DTNA: variants seen among roughly 807,000 people sequenced by gnomAD.
DTNA encodes dystrobrevin alpha.
Under a neutral mutation model 100.7 loss-of-function variants are expected in DTNA, and 43 were observed. The observed-to-expected ratio is 0.43, with a 90% CI of 0.33 to 0.55. DTNA has a LOEUF of 0.55. Among genes scored for constraint, DTNA ranks in the 20% least tolerant of loss-of-function variants. The pLI, the probability that DTNA is intolerant of heterozygous loss-of-function variation, is 0.04. For missense variants in DTNA, 798 were observed against 953.9 expected, an observed-to-expected ratio of 0.84 and a Z score of 2.15; for synonymous variants, 349 against 347.9, an observed-to-expected ratio of 1.00 and a Z score of -0.04.
chr18:34,837,977 A>G (rs527908851), intron 11 of DTNA, 117 bp from the exon 12 acceptor site: 3 of 915,106 alleles, frequency 3.3e-6, no homozygotes, highest in South Asian at 1.4e-5. Flanking sequence ...TCAAAATAAT[A>G]AGAGATCTGT....
At chr18:34,764,146 T>A (rs1233677467) in intron 2 of DTNA, among the ~76,000 whole-genome samples, 1 of 152,214 alleles carries the variant, frequency 6.6e-6, no homozygotes, top group Non-Finnish European at 1.5e-5. Context: ...CATATTTTTG[T>A]TCAGAAATGG....
chr18:34,646,704 CTTTA>C (rs1286581863), intron 1 of DTNA, among the ~76,000 whole-genome samples: 2 of 151,972 alleles, frequency 1.3e-5, no homozygotes, highest in East Asian at 1.9e-4. Context: ...ATTCTTATTA[CTTTA>C]TTTATTTATT....
At chr18:34,627,379 T>A (rs1052786252) in intron 1 of DTNA, among the ~76,000 whole-genome samples, 3 of 152,054 alleles carry the variant, frequency 2.0e-5, no homozygotes, top group Non-Finnish European at 2.9e-5. Context: ...TCTACTGAAG[T>A]CTCCACTGCT....
intron 1 of DTNA, among the ~76,000 whole-genome samples, chr18:34,741,344 A>G (rs990079249): frequency 6.6e-6 from 1 of 152,160 alleles, no homozygotes; most frequent in Admixed American, 6.5e-5. Context: ...TGGGGTTACA[A>G]TGATTCTTCT....
intron 1 of DTNA, among the ~76,000 whole-genome samples, chr18:34,721,615 A>G (rs545746201): frequency 3.3e-4 from 51 of 152,356 alleles, no homozygotes; most frequent in African/African-American, 1.2e-3. Flanking sequence ...CAAAGCCAGA[A>G]GGCAACAAGG....
intron 1 of DTNA, among the ~76,000 whole-genome samples, chr18:34,671,714 A>G (rs890775345): frequency 5.9e-5 from 9 of 152,000 alleles, no homozygotes; most frequent in South Asian, 4.1e-4. Context: ...TTTTTGTTCT[A>G]TATCTAGTTT....
At chr18:34,704,133 C>T (rs2081794139) in intron 1 of DTNA, among the ~76,000 whole-genome samples, 1 of 152,184 alleles carries the variant, frequency 6.6e-6, no homozygotes, top group Non-Finnish European at 1.5e-5. Flanking sequence ...GGGTACATGA[C>T]ATCGCATTTG....
intron 2 of DTNA, among the ~76,000 whole-genome samples, chr18:34,765,454 T>C (rs1188760114): frequency 1.3e-5 from 2 of 152,188 alleles, no homozygotes; most frequent in East Asian, 3.8e-4. Context: ...GTGCAATAAG[T>C]ACTATTATTA....
At chr18:34,863,012 A>G (rs2096649121) in intron 16 of DTNA, among the ~76,000 whole-genome samples, 1 of 152,232 alleles carries the variant, frequency 6.6e-6, no homozygotes, top group Non-Finnish European at 1.5e-5. Context: ...ATACATGTTT[A>G]AAGTTTCCAT....
At chr18:34,886,419 G>A (rs1011385849) in intron 22 of DTNA, among the ~76,000 whole-genome samples, 44 of 152,148 alleles carry the variant, frequency 2.9e-4, no homozygotes, top group African/African-American at 1.0e-3. Flanking sequence ...ATTCACTCCA[G>A]TTATAACAAA....
At chr18:34,848,433 A>G (rs2149872250) in intron 14 of DTNA, 50 bp downstream of exon 14, 1 of 1,558,384 alleles carries the variant, frequency 6.4e-7, no homozygotes, top group Non-Finnish European at 8.8e-7. Flanking sequence ...GGGATCCTTG[A>G]ATTTTATATG....
chr18:34,581,276 A>AC (rs2048600970), intron 1 of DTNA, among the ~76,000 whole-genome samples: 3 of 117,410 alleles, frequency 2.6e-5, no homozygotes, highest in Non-Finnish European at 5.3e-5. Context: ...ACAAAACAAA[A>AC]AAACAAAACA....
intron 1 of DTNA, among the ~76,000 whole-genome samples, chr18:34,727,170 A>C (rs1364941269): frequency 6.6e-6 from 1 of 152,192 alleles, no homozygotes; most frequent in African/African-American, 2.4e-5. Context: ...GAGGCTTCAC[A>C]GGGCAGCAGG....
intron 1 of DTNA, among the ~76,000 whole-genome samples, chr18:34,561,293 A>G (rs1029020561): frequency 7.9e-5 from 12 of 152,188 alleles, no homozygotes; most frequent in Admixed American, 6.5e-4. Context: ...AAGGATCGAG[A>G]TGAAATTTAT....
intron 1 of DTNA, among the ~76,000 whole-genome samples, chr18:34,716,817 GTA>G (rs554016538): frequency 3.6e-4 from 55 of 152,264 alleles, no homozygotes; most frequent in Non-Finnish European, 7.2e-4. Context: ...CTTTACCCAT[GTA>G]TATGTGTTTG....
At chr18:34,677,201 G>A (rs189774202) in intron 1 of DTNA, among the ~76,000 whole-genome samples, 321 of 152,258 alleles carry the variant, frequency 2.1e-3, no homozygotes, top group African/African-American at 7.2e-3. Flanking sequence ...CTTGTGATCC[G>A]TAGACCACCC....
intron 1 of DTNA, among the ~76,000 whole-genome samples, chr18:34,631,664 T>C (rs2058094992): frequency 6.6e-6 from 1 of 152,232 alleles, no homozygotes; most frequent in South Asian, 2.1e-4. Context: ...ATTCATCTAA[T>C]AGTAGCAATA....
At chr18:34,629,705 G>T (rs1301095054) in intron 1 of DTNA, among the ~76,000 whole-genome samples, 1 of 152,136 alleles carries the variant, frequency 6.6e-6, no homozygotes, top group Admixed American at 6.6e-5. Context: ...GTTACCTGTG[G>T]TCAACTACAA....
intron 1 of DTNA, among the ~76,000 whole-genome samples, chr18:34,550,999 C>A (rs1175665941): frequency 6.6e-6 from 1 of 152,152 alleles, no homozygotes; most frequent in Non-Finnish European, 1.5e-5. Context: ...CTTTTAGTCT[C>A]ATATTAACTC....
Sources: gnomAD v4.1 joint callset for allele counts (sites outside exome capture counted in the v4.1 genomes callset) on GRCh38, gnomAD v4.1.1 for gene constraint, MANE v1.5 for transcripts, NCBI Gene and HGNC (gene_info 2026-07-23, HGNC 2026-07-21) for gene names.